The following LPIN2 variants were observed in gnomAD, a reference collection of about 807,000 sequenced individuals.
LPIN2 encodes phosphatidate phosphatase LPIN2.
In LPIN2, 55 loss-of-function variants were observed where a neutral mutation model predicts 111.4. The ratio of observed to expected loss-of-function variants is 0.49; its 90% CI spans 0.40 to 0.62. The LOEUF is 0.62. Among genes scored for constraint, LPIN2 ranks in the 20% least tolerant of loss-of-function variants. LPIN2 has a pLI of 0.00. For missense variants in LPIN2, 992 were observed against 1,112.1 expected (o/e 0.89, Z 1.54); for synonymous variants, 425 against 414.0 (o/e 1.03, Z -0.32).
At chr18:2,957,677 G>A (rs1353180377) in intron 2 of LPIN2, among the ~76,000 whole-genome samples, 1 of 152,112 alleles carries the variant, frequency 6.6e-6, no homozygotes, top group Non-Finnish European at 1.5e-5. Context: ...AACAGATTGT[G>A]AGCCTGGAGG....
intron 18 of LPIN2, 61 bp downstream of exon 18, chr18:2,921,472 C>T: frequency 7.9e-7 from 1 of 1,263,868 alleles, no homozygotes; most frequent in South Asian, 1.2e-5. Context: ...GGCTACACCC[C>T]ACGAAGTACA....
chr18:2,941,685 G>A (rs1307668935), intron 4 of LPIN2, among the ~76,000 whole-genome samples: 3 of 152,216 alleles, frequency 2.0e-5, no homozygotes, highest in Non-Finnish European at 4.4e-5. Context: ...CCAGCACTTC[G>A]GAAGGCCGAG....
intron 18 of LPIN2, 112 bp downstream of exon 18, chr18:2,921,421 G>A (rs1001492001): frequency 2.2e-5 from 18 of 801,954 alleles, no homozygotes; most frequent in African/African-American, 5.1e-5. Context: ...CAGAACAGAT[G>A]CCTCATTTTG....
At chr18:2,937,538 T>C (rs1304034794) in intron 7 of LPIN2, among the ~76,000 whole-genome samples, 154 bp downstream of exon 7, 8 of 68,170 alleles carry the variant, frequency 1.2e-4, no homozygotes, top group Admixed American at 9.7e-4. Flanking sequence ...AGAGCGAAAC[T>C]CCAGCTAAAA....
intron 2 of LPIN2, among the ~76,000 whole-genome samples, chr18:2,959,969 G>C (rs1488394476): frequency 2.0e-5 from 3 of 152,148 alleles, no homozygotes; most frequent in Non-Finnish European, 2.9e-5. Flanking sequence ...AGGAGTTCGA[G>C]ACCAGCCTAG....
intron 1 of LPIN2, among the ~76,000 whole-genome samples, chr18:3,003,025 G>A (rs2078457609): frequency 2.0e-5 from 3 of 152,204 alleles, no homozygotes; most frequent in Admixed American, 1.3e-4. Context: ...GTGGATGCGG[G>A]CTCCAGTTTA....
intron 1 of LPIN2, among the ~76,000 whole-genome samples, chr18:2,993,337 G>A (rs926633452): frequency 2.0e-5 from 3 of 152,252 alleles, no homozygotes; most frequent in East Asian, 1.9e-4. Flanking sequence ...GAATATATTT[G>A]TTCTTGGCTA....
intron 1 of LPIN2, chr18:2,982,582 T>G: frequency 2.1e-6 from 1 of 466,820 alleles, no homozygotes; most frequent in South Asian, 1.9e-5. Flanking sequence ...CTTTTTCTTT[T>G]GGTGGATGCC....
In LPIN2 at chr18:2,917,400, G is replaced by C. The variant is rs1228823537; in HGVS notation, c.*2893C>G. The C allele has an allele frequency of 6.6e-6, 1 of 152,044 alleles. No homozygotes were observed. The highest frequency in any genetic ancestry group is 2.4e-5 in the African/African-American group (1 of 41,460). 9.4% of individuals were successfully genotyped at this position (152,044 alleles called of 1,614,324 possible). ...CTGTTTTTGCCAACTTGTAAAAAGT[G>C]AAAGAGCTGACTTCCTTGTTTATTC... On this transcript the variant is annotated 3_prime_UTR_variant, in exon 20 of 20. Coordinates refer to ENST00000677752, the MANE Select transcript of LPIN2 (RefSeq NM_001375808.2).
chr18:2,925,132 G>A lies in LPIN2; in HGVS notation c.1938+92C>T, dbSNP rs574218389. 1,968 of 1,500,856 alleles carry A rather than the reference G, an allele frequency of 1.3e-3. 4 individuals are homozygous for A. Among genetic ancestry groups the A allele is most frequent in the Non-Finnish European group, 1.6e-3 (1,760 of 1,083,862 alleles). The allele number at this position is 1,500,856 out of a possible 1,614,324, so 93.0% of individuals were successfully genotyped here. On this transcript the variant is annotated intron_variant, in intron 14 of 19. Coordinates refer to ENST00000677752, the MANE Select transcript of LPIN2 (RefSeq NM_001375808.2). The surrounding 1 kb of genome is among the most constrained non-coding windows in gnomAD (Gnocchi z 4.1). ...GACCATGCCGTGTGGCGTGTATGCA[G>A]CTGGGGACGTGTGGACAGAAGAGGA... is the stretch of plus-strand genomic sequence containing the variant.
At chr18:2,982,659 G>A (rs993744405) in intron 1 of LPIN2, 5 of 1,271,178 alleles carry the variant, frequency 3.9e-6, no homozygotes, top group Middle Eastern at 2.2e-4. Context: ...ATTGGGAGAT[G>A]TAACTCACCA....
chr18:2,989,257 G>A (rs565179320), intron 1 of LPIN2, among the ~76,000 whole-genome samples: 38 of 152,050 alleles, frequency 2.5e-4, no homozygotes, highest in Middle Eastern at 3.4e-3. Flanking sequence ...CTGAAATTCA[G>A]ATTTACTATG....
At chr18:2,980,615 A>G (rs534483501) in intron 1 of LPIN2, among the ~76,000 whole-genome samples, 102 of 152,306 alleles carry the variant, frequency 6.7e-4, no homozygotes, top group African/African-American at 2.2e-3. Context: ...AGAGGTGCCC[A>G]TGTCCTTTGA....
chr18:2,924,835 T>G (rs2144130955), intron 14 of LPIN2, among the ~76,000 whole-genome samples: 1 of 152,348 alleles, frequency 6.6e-6, no homozygotes, highest in South Asian at 2.1e-4. Flanking sequence ...CCTGCTCTGG[T>G]CCCAGCAAGA....
chr18:2,937,544 TAAAAAAAAAAAA>T lies in LPIN2; in HGVS notation c.1168+136_1168+147del, dbSNP rs71366618. On this transcript the variant is annotated intron_variant, in intron 7 of 19. Coordinates refer to ENST00000677752, the MANE Select transcript of LPIN2 (RefSeq NM_001375808.2). Reference sequence around the variant, plus strand: ...TGGGTAACAAGAGCGAAACTCCAGCTAAAAAAAAAAAAAAAAAAAAAAAAAAAGTGCGACGGG... The same window carrying T: ...TGGGTAACAAGAGCGAAACTCCAGCTAAAAAAAAAAAAAAAGTGCGACGGG... 2.9e-4 allele frequency: 101 copies of T among 345,870 alleles called. 1 individual carries two copies. The highest frequency in any genetic ancestry group is 1.5e-3 in the Middle Eastern group (2 of 1,356). 21.4% of individuals were successfully genotyped at this position (345,870 alleles called of 1,614,324 possible).
intron 4 of LPIN2, chr18:2,946,483 G>C (rs1256403914): frequency 6.4e-7 from 1 of 1,553,768 alleles, no homozygotes; most frequent in African/African-American, 1.4e-5. Context: ...CGTCGGAATT[G>C]GTCTCAGGAT....
At chr18:3,006,335 TGCTACCTAGGTAA>T (rs2078514916) in intron 1 of LPIN2, among the ~76,000 whole-genome samples, 1 of 152,212 alleles carries the variant, frequency 6.6e-6, no homozygotes, top group Non-Finnish European at 1.5e-5. Context: ...TTTCAAATAA[TGCTACCTAGGTAA>T]GTTATTTTTA....
At chr18:2,920,696 G>C (rs923187158) in intron 19 of LPIN2, 82 bp downstream of exon 19, 20 of 1,051,558 alleles carry the variant, frequency 1.9e-5, no homozygotes, top group African/African-American at 1.9e-4. Flanking sequence ...TCAAGGATCA[G>C]GGGGAAAAGG....
At chr18:2,969,569 G>A (rs2077869197) in intron 1 of LPIN2, among the ~76,000 whole-genome samples, 1 of 152,136 alleles carries the variant, frequency 6.6e-6, no homozygotes, top group East Asian at 1.9e-4. Flanking sequence ...CCCACTAAAT[G>A]AGGAAAACTG....
Sources: gnomAD v4.1 joint callset for allele counts (sites outside exome capture counted in the v4.1 genomes callset) on GRCh38, gnomAD v4.1.1 for gene constraint, Gnocchi (gnomAD v3.1) non-coding constraint, MANE v1.5 for transcripts, NCBI Gene and HGNC (gene_info 2026-07-23, HGNC 2026-07-21) for gene names.